The following STK32B variants were observed in gnomAD, a reference collection of about 807,000 sequenced individuals.
The protein encoded by STK32B is serine/threonine kinase 32B.
STK32B carries 43 observed loss-of-function variants against 52.6 expected under a neutral mutation model. That is an observed-to-expected ratio of 0.82 (90% CI 0.64 to 1.05). STK32B has a LOEUF of 1.05. STK32B is among the 50% of genes least tolerant of loss of function. STK32B has a pLI of 0.00. For missense variants in STK32B, 621 were observed against 534.6 expected (o/e 1.16, Z -1.59); for synonymous variants, 238 against 204.3 (o/e 1.17, Z -1.41).
At chr4:5,112,857 A>G (rs1476950545) in intron 1 of STK32B, among the ~76,000 whole-genome samples, 1 of 152,194 alleles carries the variant, frequency 6.6e-6, no homozygotes, top group Non-Finnish European at 1.5e-5. Flanking sequence ...GGGTTGACAG[A>G]TGAATGTGAC....
intron 4 of STK32B, among the ~76,000 whole-genome samples, chr4:5,387,829 C>A (rs1262025628): frequency 6.6e-6 from 1 of 152,210 alleles, no homozygotes; most frequent in Non-Finnish European, 1.5e-5. Flanking sequence ...ACCGCAACCT[C>A]CGCCTCCTGG....
chr4:5,211,334 T>G (rs1722890940), intron 3 of STK32B, among the ~76,000 whole-genome samples: 2 of 152,158 alleles, frequency 1.3e-5, no homozygotes, highest in African/African-American at 4.8e-5. Context: ...ATGGAAAAGA[T>G]TTGTAATTCT....
intron 11 of STK32B, among the ~76,000 whole-genome samples, chr4:5,487,139 G>A (rs1433120011): frequency 6.6e-6 from 1 of 152,270 alleles, no homozygotes; most frequent in Middle Eastern, 3.4e-3. Flanking sequence ...CACCAGAATG[G>A]ATCTGTCCCA....
At chr4:5,171,012 G>A (rs1301377355) in intron 3 of STK32B, among the ~76,000 whole-genome samples, 3 of 152,218 alleles carry the variant, frequency 2.0e-5, no homozygotes, top group African/African-American at 7.2e-5. Flanking sequence ...ACTGGTGTGA[G>A]ATGGTATCTC....
At chr4:5,391,987 A>G (rs1736620830) in intron 4 of STK32B, among the ~76,000 whole-genome samples, 1 of 152,226 alleles carries the variant, frequency 6.6e-6, no homozygotes, top group Non-Finnish European at 1.5e-5. Flanking sequence ...CATAGGCACC[A>G]CAGGGCCATT....
At chr4:5,194,514 G>A (rs1005009070) in intron 3 of STK32B, among the ~76,000 whole-genome samples, 24 of 152,180 alleles carry the variant, frequency 1.6e-4, no homozygotes, top group Non-Finnish European at 2.9e-4. Flanking sequence ...AACATGCTGA[G>A]TTTACTGTGA....
intron 4 of STK32B, among the ~76,000 whole-genome samples, chr4:5,370,225 A>T (rs913656047): frequency 3.3e-5 from 5 of 152,224 alleles, no homozygotes; most frequent in African/African-American, 1.2e-4. Flanking sequence ...TCATATAATT[A>T]TATGGAGCAA....
intron 3 of STK32B, among the ~76,000 whole-genome samples, chr4:5,323,591 C>G (rs111367055): frequency 6.6e-6 from 1 of 152,132 alleles, no homozygotes; most frequent in Admixed American, 6.5e-5. Flanking sequence ...GGCCTAGCAC[C>G]CTTCCTTCCC....
intron 9 of STK32B, among the ~76,000 whole-genome samples, chr4:5,465,754 C>T (rs1032160018): frequency 6.6e-6 from 1 of 152,214 alleles, no homozygotes; most frequent in East Asian, 1.9e-4. Flanking sequence ...GGCCCAGTGG[C>T]AAGGCTGGCT....
At chr4:5,494,094 T>A (rs1719986183) in intron 11 of STK32B, among the ~76,000 whole-genome samples, 1 of 152,188 alleles carries the variant, frequency 6.6e-6, no homozygotes, top group African/African-American at 2.4e-5. Context: ...GTCTATTAGG[T>A]CCACTTGGTG....
chr4:5,248,827 A>C (rs1375591454), intron 3 of STK32B, among the ~76,000 whole-genome samples: 1 of 152,064 alleles, frequency 6.6e-6, no homozygotes, highest in Non-Finnish European at 1.5e-5. Context: ...TCGTGAGGAC[A>C]AAAAACCAAA....
intron 3 of STK32B, among the ~76,000 whole-genome samples, chr4:5,327,310 A>C (rs1731946947): frequency 6.7e-6 from 1 of 150,170 alleles, no homozygotes; most frequent in African/African-American, 2.5e-5. Context: ...GTTCTTAATG[A>C]CAATCTAGTA....
chr4:5,437,440 A>G (rs1019141959), intron 6 of STK32B, among the ~76,000 whole-genome samples: 6 of 152,232 alleles, frequency 3.9e-5, no homozygotes, highest in African/African-American at 1.2e-4. Context: ...CTTTGTCTTC[A>G]CATGGCCGTC....
In STK32B at chr4:5,467,763, A is replaced by G. The variant is rs1717557959; in HGVS notation, c.1042-243A>G. On this transcript the variant is annotated intron_variant, in intron 10 of 11. Transcript: ENST00000282908. This position sits in a 1 kb window ranked among gnomAD's most constrained non-coding sequence, Gnocchi z 5.8. ...TGAATTTCAGCCCATATTCCATTCT[A>G]ACATGGCTTTTAAGTTGGATTTCAT... is the stretch of plus-strand genomic sequence containing the variant. 6.6e-6 allele frequency among the ~76,000 whole-genome samples: 1 copy of G among 152,140 alleles called. No homozygotes were observed. The highest frequency in any genetic ancestry group is 2.4e-5 in the African/African-American group (1 of 41,436).
rs115845416 is a variant in STK32B at position 5,463,088 on chromosome 4, G to A, written c.909+2860G>A. 7.2e-3 allele frequency among the ~76,000 whole-genome samples: 1,101 copies of A among 152,310 alleles called. 14 individuals carry two copies. The highest frequency in any genetic ancestry group is 0.025 in the African/African-American group (1,023 of 41,570). On this transcript the variant is annotated intron_variant, in intron 9 of 11. Coordinates refer to ENST00000282908, the MANE Select transcript of STK32B (RefSeq NM_018401.3). ...TCACAGAGCCTGGGGAGTAGAGCCC[G>A]GAGGCTTCCAAAGCCTCTGCTCTGC... is the stretch of plus-strand genomic sequence containing the variant.
At chr4:5,069,283 C>T (rs1347080757) in intron 1 of STK32B, among the ~76,000 whole-genome samples, 1 of 151,668 alleles carries the variant, frequency 6.6e-6, no homozygotes, top group Non-Finnish European at 1.5e-5. Context: ...AACTCCACCT[C>T]CCAGGTTCAC....
At chr4:5,156,356 T>C (rs748690731) in intron 2 of STK32B, among the ~76,000 whole-genome samples, 1 of 152,058 alleles carries the variant, frequency 6.6e-6, no homozygotes, top group Non-Finnish European at 1.5e-5. Context: ...TTTTGACACA[T>C]GGTTTATATT....
chr4:5,456,963 C>T (rs751619115), intron 8 of STK32B, 40 bp downstream of exon 8: 17 of 1,435,918 alleles, frequency 1.2e-5, no homozygotes, highest in East Asian at 1.0e-4. Context: ...CAGGGAGCTA[C>T]GGTGAGTGTA....
intron 3 of STK32B, among the ~76,000 whole-genome samples, chr4:5,284,374 T>G (rs1728410212): frequency 6.6e-6 from 1 of 152,046 alleles, no homozygotes; most frequent in Non-Finnish European, 1.5e-5. Context: ...AGAGAAGACT[T>G]AGGCAGCAAT....
Sources: gnomAD v4.1 joint callset for allele counts (sites outside exome capture counted in the v4.1 genomes callset) on GRCh38, gnomAD v4.1.1 for gene constraint, Gnocchi (gnomAD v3.1) non-coding constraint, MANE v1.5 for transcripts, NCBI Gene and HGNC (gene_info 2026-07-23, HGNC 2026-07-21) for gene names.